LCE7A: variants seen among roughly 807,000 people sequenced by gnomAD.
The protein encoded by LCE7A is late cornified envelope 7A.
the LCE7A span, among the ~76,000 whole-genome samples, chr1:152,860,355 A>G: frequency 8.9e-3 from 1,360 of 152,306 alleles, 15 homozygotes; most frequent in Non-Finnish European, 0.014. Context: ...CAGGTTAAAA[A>G]TGTGGTTTTT....
the LCE7A span, among the ~76,000 whole-genome samples, chr1:152,861,223 A>G: frequency 1.3e-5 from 2 of 152,222 alleles, no homozygotes; most frequent in South Asian, 4.1e-4. Flanking sequence ...TCTGTGTGCT[A>G]AAATAAAGCT....
chr1:152,860,197 G>T, the LCE7A span, among the ~76,000 whole-genome samples: 1 of 152,148 alleles, frequency 6.6e-6, no homozygotes, highest in East Asian at 1.9e-4. Context: ...CCCAGAAGGA[G>T]TGAAGTTAAC....
the LCE7A span, among the ~76,000 whole-genome samples, chr1:152,861,237 C>A: frequency 1.3e-5 from 2 of 152,210 alleles, no homozygotes; most frequent in Non-Finnish European, 2.9e-5. Flanking sequence ...TAAAGCTTAT[C>A]TTTCCTGGTG....
the LCE7A span, among the ~76,000 whole-genome samples, chr1:152,861,243 T>C: frequency 6.6e-6 from 1 of 152,244 alleles, no homozygotes; most frequent in African/African-American, 2.4e-5. Flanking sequence ...TTATCTTTCC[T>C]GGTGCCCTAT....
chr1:152,861,177 T>G, the LCE7A span, among the ~76,000 whole-genome samples: 1 of 152,222 alleles, frequency 6.6e-6, no homozygotes, highest in South Asian at 2.1e-4. Flanking sequence ...CAAGGAGACC[T>G]GCATGCAAAA....
chr1:152,860,416 A>G, the LCE7A span, among the ~76,000 whole-genome samples: 2 of 152,124 alleles, frequency 1.3e-5, no homozygotes, highest in Non-Finnish European at 2.9e-5. Flanking sequence ...GATTTGGGGG[A>G]CTACATAGTG....
At chr1:152,860,167 G>A in the LCE7A span, among the ~76,000 whole-genome samples, 1 of 152,124 alleles carries the variant, frequency 6.6e-6, no homozygotes, top group African/African-American at 2.4e-5. Flanking sequence ...CAATCATCGA[G>A]GTGGTTCAGA....
the LCE7A span, among the ~76,000 whole-genome samples, chr1:152,860,110 G>C: frequency 6.6e-6 from 1 of 152,288 alleles, no homozygotes; most frequent in East Asian, 1.9e-4. Flanking sequence ...GCCATTCAAA[G>C]TTGGAGAGAA....
chr1:152,861,194 C>T, the LCE7A span, among the ~76,000 whole-genome samples: 4 of 152,332 alleles, frequency 2.6e-5, no homozygotes, highest in Admixed American at 1.3e-4. Context: ...AAAAGAAAAA[C>T]CTGCTTTTTG....
the LCE7A span, among the ~76,000 whole-genome samples, chr1:152,860,609 T>C: frequency 1.3e-5 from 2 of 152,210 alleles, no homozygotes; most frequent in African/African-American, 4.8e-5. Flanking sequence ...TCGGGCTCTG[T>C]AGAAAAATGT....
At chr1:152,860,649 CT>C in the LCE7A span, among the ~76,000 whole-genome samples, 1 of 152,302 alleles carries the variant, frequency 6.6e-6, no homozygotes, top group East Asian at 1.9e-4. Flanking sequence ...ATTAATTAGA[CT>C]TTTGAAATGT....
At chr1:152,860,053 A>G in the LCE7A span, among the ~76,000 whole-genome samples, 1 of 152,150 alleles carries the variant, frequency 6.6e-6, no homozygotes, top group Non-Finnish European at 1.5e-5. Flanking sequence ...TACTGATCTG[A>G]TGGCAGTTTG....
the LCE7A span, among the ~76,000 whole-genome samples, chr1:152,860,580 C>T: frequency 6.6e-6 from 1 of 152,170 alleles, no homozygotes; most frequent in African/African-American, 2.4e-5. Flanking sequence ...TCTGGAGCCA[C>T]ATATTCAACT....
the LCE7A span, among the ~76,000 whole-genome samples, chr1:152,860,906 G>A: frequency 3.9e-5 from 6 of 152,098 alleles, no homozygotes; most frequent in Non-Finnish European, 8.8e-5. Flanking sequence ...TTCTACCTGC[G>A]TCAGCCCCAG....
chr1:152,860,902 C>T, the LCE7A span, among the ~76,000 whole-genome samples: 4 of 152,202 alleles, frequency 2.6e-5, no homozygotes, highest in South Asian at 4.1e-4. Flanking sequence ...ACGATTCTAC[C>T]TGCGTCAGCC....
chr1:152,860,301 G>GA, the LCE7A span, among the ~76,000 whole-genome samples: 2 of 151,592 alleles, frequency 1.3e-5, no homozygotes, highest in African/African-American at 4.8e-5. Flanking sequence ...ATGCAAGAAA[G>GA]AAAAAAAGGG....
the LCE7A span, among the ~76,000 whole-genome samples, chr1:152,861,145 G>A: frequency 6.6e-6 from 1 of 152,108 alleles, no homozygotes; most frequent in East Asian, 1.9e-4. Context: ...CAGGCCTCTT[G>A]GCCTTGGCTG....
the LCE7A span, among the ~76,000 whole-genome samples, chr1:152,860,073 A>G: frequency 9.8e-5 from 15 of 152,324 alleles, no homozygotes; most frequent in South Asian, 3.1e-3. Context: ...GGGGATGACT[A>G]GGGCTGCTAC....
chr1:152,860,360 G>A, the LCE7A span, among the ~76,000 whole-genome samples: 1 of 152,102 alleles, frequency 6.6e-6, no homozygotes, highest in African/African-American at 2.4e-5. Context: ...TAAAAATGTG[G>A]TTTTTAGAAT....
Sources: allele counts gnomAD v4.1 joint callset (sites outside exome capture counted in the v4.1 genomes callset), GRCh38; gene constraint gnomAD v4.1.1; transcripts MANE v1.5; gene names NCBI Gene and HGNC (gene_info 2026-07-23, HGNC 2026-07-21).